Variants in SGCD observed in about 807,000 individuals in gnomAD.
SGCD encodes the protein sarcoglycan delta.
A neutral mutation model predicts 36.6 loss-of-function variants in SGCD; 18 were observed. The ratio of observed to expected loss-of-function variants is 0.49; its 90% CI spans 0.34 to 0.73. The LOEUF (loss-of-function observed/expected upper bound fraction) is 0.73, where lower values mean the gene tolerates loss of function less well. Ranked by LOEUF, SGCD falls within the 30% of genes least tolerant of loss-of-function variation. The probability of loss-of-function intolerance (pLI) is 0.01; values close to 1 mark genes in which losing one functional copy is unlikely to be tolerated. For missense variants in SGCD, 387 were observed against 346.7 expected (o/e 1.12, Z -0.92); for synonymous variants, 133 against 130.6 (o/e 1.02, Z -0.12).
At chr5:156,241,721 A>G (rs1338253010) in intron 3 of SGCD, among the ~76,000 whole-genome samples, 1 of 152,206 alleles carries the variant, frequency 6.6e-6, no homozygotes, top group African/African-American at 2.4e-5. Context: ...AACTCTTTTT[A>G]TCTCATTGAC....
intron 1 of SGCD, among the ~76,000 whole-genome samples, chr5:156,114,749 C>G (rs1761869843): frequency 1.3e-5 from 2 of 152,042 alleles, no homozygotes; most frequent in Non-Finnish European, 2.9e-5. Context: ...AATTACAAGC[C>G]ATATTTTCAT....
intron 1 of SGCD, among the ~76,000 whole-genome samples, chr5:156,032,165 A>G (rs956994361): frequency 1.3e-5 from 2 of 152,048 alleles, no homozygotes; most frequent in Admixed American, 6.6e-5. Context: ...TAACAGTATC[A>G]TGAACAATTT....
At chr5:156,255,079 T>G (rs1395996973) in intron 3 of SGCD, among the ~76,000 whole-genome samples, 1 of 152,160 alleles carries the variant, frequency 6.6e-6, no homozygotes, top group Non-Finnish European at 1.5e-5. Context: ...CTTTCAGTCG[T>G]GTGTATAATG....
chr5:156,655,395 G>A (rs1763634066), intron 7 of SGCD, among the ~76,000 whole-genome samples: 1 of 152,154 alleles, frequency 6.6e-6, no homozygotes, highest in Non-Finnish European at 1.5e-5. Flanking sequence ...CCTAGAAGAT[G>A]TCAGTTAAAG....
intron 3 of SGCD, among the ~76,000 whole-genome samples, chr5:156,460,782 A>G (rs1754451163): frequency 6.6e-6 from 1 of 152,178 alleles, no homozygotes; most frequent in South Asian, 2.1e-4. Context: ...AAGATGGTTC[A>G]CAAAAAGGAG....
At chr5:155,977,991 T>C (rs547303780) in intron 1 of SGCD, among the ~76,000 whole-genome samples, 1 of 152,084 alleles carries the variant, frequency 6.6e-6, no homozygotes, top group African/African-American at 2.4e-5. Context: ...CTACTCGGGA[T>C]CCTGAGGCAG....
At chr5:155,747,677 A>G in the SGCD span, among the ~76,000 whole-genome samples, 1 of 152,228 alleles carries the variant, frequency 6.6e-6, no homozygotes, top group Non-Finnish European at 1.5e-5. Flanking sequence ...TAAGGTAGCT[A>G]TAGCTGAAGT....
chr5:156,203,021 C>G (rs1413525167), intron 3 of SGCD, among the ~76,000 whole-genome samples: 1 of 152,034 alleles, frequency 6.6e-6, no homozygotes, highest in East Asian at 1.9e-4. Context: ...TGCCTTGAGA[C>G]TCTGTCAGAT....
At chr5:155,886,129 T>C (rs1227659053) in intron 1 of SGCD, among the ~76,000 whole-genome samples, 2 of 152,222 alleles carry the variant, frequency 1.3e-5, no homozygotes, top group African/African-American at 4.8e-5. Context: ...GTCTTAGTGA[T>C]GGCTCTTTAG....
chr5:155,912,696 GT>G (rs756353542), intron 1 of SGCD, among the ~76,000 whole-genome samples: 16 of 152,124 alleles, frequency 1.1e-4, no homozygotes, highest in Non-Finnish European at 1.6e-4. Flanking sequence ...TTGGAAGCCA[GT>G]ATGATAGCCA....
intron 2 of SGCD, among the ~76,000 whole-genome samples, chr5:156,343,412 C>A (rs1768772051): frequency 6.6e-6 from 1 of 152,188 alleles, no homozygotes; most frequent in Non-Finnish European, 1.5e-5. Context: ...GCTCAGGAGA[C>A]CTTGTGCCAG....
intron 4 of SGCD, among the ~76,000 whole-genome samples, chr5:156,524,824 A>G (rs757778169): frequency 1.9e-4 from 29 of 152,086 alleles, no homozygotes; most frequent in Non-Finnish European, 2.9e-4. Context: ...CATAAAAGTG[A>G]GACTATGCAG....
the SGCD span, among the ~76,000 whole-genome samples, chr5:155,849,233 C>T: frequency 0.044 from 6,740 of 152,194 alleles, 320 homozygotes; most frequent in African/African-American, 0.12. Context: ...TTTTTAGACG[C>T]TAATGTTCGT....
intron 3 of SGCD, among the ~76,000 whole-genome samples, chr5:156,164,010 G>A (rs1422552518): frequency 1.1e-4 from 16 of 141,782 alleles, no homozygotes; most frequent in African/African-American, 1.9e-4. Flanking sequence ...GCGACAGAGC[G>A]AGACTCTGTC....
intron 1 of SGCD, among the ~76,000 whole-genome samples, chr5:155,907,369 G>A (rs989113734): frequency 4.6e-5 from 7 of 152,196 alleles, no homozygotes; most frequent in Middle Eastern, 3.4e-3. Context: ...GAGTTACTTT[G>A]ACTTTCATGT....
intron 7 of SGCD, among the ~76,000 whole-genome samples, chr5:156,716,721 T>A (rs914562892): frequency 3.9e-5 from 6 of 152,178 alleles, no homozygotes; most frequent in Non-Finnish European, 7.3e-5. Flanking sequence ...TTAAAAGGCT[T>A]CTCCTTCCCA....
chr5:155,965,896 C>T (rs1757892362), intron 1 of SGCD, among the ~76,000 whole-genome samples: 1 of 152,058 alleles, frequency 6.6e-6, no homozygotes. Flanking sequence ...TTTGTTCAGT[C>T]CAACAGGGAT....
At chr5:155,938,724 G>A (rs1221813752) in intron 1 of SGCD, among the ~76,000 whole-genome samples, 1 of 152,098 alleles carries the variant, frequency 6.6e-6, no homozygotes, top group Non-Finnish European at 1.5e-5. Flanking sequence ...CATCCCCTGT[G>A]GCACCAGACA....
At chr5:155,856,300 C>CA in the SGCD span, among the ~76,000 whole-genome samples, 4 of 151,892 alleles carry the variant, frequency 2.6e-5, no homozygotes, top group Non-Finnish European at 4.4e-5. Context: ...AACATTGACC[C>CA]AAAAAATGCA....
Sources: gnomAD v4.1 joint callset for allele counts (sites outside exome capture counted in the v4.1 genomes callset) on GRCh38, gnomAD v4.1.1 for gene constraint, MANE v1.5 for transcripts, NCBI Gene and HGNC (gene_info 2026-07-23, HGNC 2026-07-21) for gene names.